Variants in MACROD2 observed in about 807,000 individuals in gnomAD.
The protein encoded by MACROD2 is mono-ADP ribosylhydrolase 2, also known as ADP-ribose glycohydrolase MACROD2.
MACROD2 carries 36 observed loss-of-function variants against 70.4 expected under a neutral mutation model. The ratio of observed to expected loss-of-function variants is 0.51; its 90% CI spans 0.39 to 0.68. The LOEUF (loss-of-function observed/expected upper bound fraction) is 0.68, where lower values mean the gene tolerates loss of function less well. Among genes scored for constraint, MACROD2 ranks in the 30% least tolerant of loss-of-function variants. The pLI, the probability that MACROD2 is intolerant of heterozygous loss-of-function variation, is 0.00. For missense variants in MACROD2, 496 were observed against 538.4 expected (o/e 0.92, Z 0.78); for synonymous variants, 172 against 178.8 (o/e 0.96, Z 0.30).
chr20:14,697,710 T>C (rs994868531), intron 5 of MACROD2, among the ~76,000 whole-genome samples: 1 of 152,316 alleles, frequency 6.6e-6, no homozygotes, highest in Non-Finnish European at 1.5e-5. Flanking sequence ...ATGTGAGATG[T>C]TTCTATTTAT....
At chr20:15,079,070 A>G (rs767807645) in intron 5 of MACROD2, among the ~76,000 whole-genome samples, 16 of 152,208 alleles carry the variant, frequency 1.1e-4, no homozygotes, top group Non-Finnish European at 2.1e-4. Flanking sequence ...AGATGAAAGA[A>G]AGATGACCTC....
intron 8 of MACROD2, among the ~76,000 whole-genome samples, chr20:15,850,317 T>A (rs1270358551): frequency 6.6e-6 from 1 of 152,124 alleles, no homozygotes; most frequent in Non-Finnish European, 1.5e-5. Flanking sequence ...CGTCAGTCTT[T>A]GGTTGAGGCT....
Position 15,038,233 on chromosome 20 carries a change from G to A in MACROD2, c.419-191707G>A, listed in dbSNP as rs191359338. The stretch of plus-strand genomic sequence containing the variant: ...GTATGATCGAAAATAGAAATTATAA[G>A]ATTTCAAACTGCATTTATATCTCTG... On this transcript the variant is annotated intron_variant, in intron 5 of 17. Coordinates refer to ENST00000684519, the MANE Select transcript of MACROD2 (RefSeq NM_001351661.2). 2.0e-5 allele frequency among the ~76,000 whole-genome samples: 3 copies of A among 152,252 alleles called. No homozygotes were observed. The East Asian group carries it at 5.8e-4, about 29-fold the overall frequency.
intron 4 of MACROD2, among the ~76,000 whole-genome samples, chr20:14,503,573 G>T (rs2084937527): frequency 6.6e-6 from 1 of 152,174 alleles, no homozygotes; most frequent in African/African-American, 2.4e-5. Context: ...ACAATATTGG[G>T]ACGTTCTCCA....
At chr20:14,818,454 A>G (rs2072798786) in intron 5 of MACROD2, among the ~76,000 whole-genome samples, 1 of 152,068 alleles carries the variant, frequency 6.6e-6, no homozygotes, top group Non-Finnish European at 1.5e-5. Context: ...CATATAGAAA[A>G]GGGAGGAGTC....
chr20:15,266,891 G>A (rs2077299862), intron 6 of MACROD2, among the ~76,000 whole-genome samples: 1 of 152,186 alleles, frequency 6.6e-6, no homozygotes, highest in Non-Finnish European at 1.5e-5. Flanking sequence ...TCATCCAGAC[G>A]CCCTTCGCAC....
intron 8 of MACROD2, among the ~76,000 whole-genome samples, chr20:15,851,452 G>T (rs904222102): frequency 6.6e-6 from 1 of 151,940 alleles, no homozygotes; most frequent in Non-Finnish European, 1.5e-5. Context: ...CTGGCAGATG[G>T]CCATCTTCCC....
chr20:14,767,634 C>G (rs2072108204), intron 5 of MACROD2, among the ~76,000 whole-genome samples: 1 of 151,700 alleles, frequency 6.6e-6, no homozygotes, highest in Admixed American at 6.6e-5. Context: ...AATTTACTTT[C>G]TTTCTTTTTT....
chr20:14,605,941 G>A (rs1424472894), intron 4 of MACROD2, among the ~76,000 whole-genome samples: 1 of 152,024 alleles, frequency 6.6e-6, no homozygotes, highest in Non-Finnish European at 1.5e-5. Flanking sequence ...AAAATTTTTT[G>A]TGTCTAGTAA....
At chr20:15,224,581 T>C (rs2145971989) in intron 5 of MACROD2, among the ~76,000 whole-genome samples, 1 of 152,344 alleles carries the variant, frequency 6.6e-6, no homozygotes, top group South Asian at 2.1e-4. Context: ...CTAAAAATTC[T>C]TGACAATTAT....
chr20:14,936,739 G>C (rs1369210476), intron 5 of MACROD2, among the ~76,000 whole-genome samples: 1 of 152,110 alleles, frequency 6.6e-6, no homozygotes, highest in East Asian at 1.9e-4. Flanking sequence ...ACCTGTGCCT[G>C]GCACTTGTCT....
intron 15 of MACROD2, among the ~76,000 whole-genome samples, chr20:16,020,770 G>C (rs2066990746): frequency 6.6e-6 from 1 of 151,888 alleles, no homozygotes; most frequent in African/African-American, 2.4e-5. Flanking sequence ...AGTGGGATGG[G>C]GGGAAGGAAA....
chr20:15,658,303 T>C (rs1214199049), intron 8 of MACROD2, among the ~76,000 whole-genome samples: 1 of 151,888 alleles, frequency 6.6e-6, no homozygotes, highest in Admixed American at 6.6e-5. Context: ...ACCTGTTGGA[T>C]ATTTTCATGT....
intron 5 of MACROD2, among the ~76,000 whole-genome samples, chr20:15,086,570 T>G (rs1387720568): frequency 1.3e-5 from 2 of 152,206 alleles, no homozygotes; most frequent in Admixed American, 6.5e-5. Flanking sequence ...GGATACCAGC[T>G]AATCCAGTGA....
chr20:14,275,286 T>C (rs1251888531), intron 3 of MACROD2, among the ~76,000 whole-genome samples: 2 of 152,118 alleles, frequency 1.3e-5, no homozygotes, highest in South Asian at 2.1e-4. Context: ...AACAGAGATA[T>C]AGACCAATGG....
chr20:14,821,827 C>T (rs543843561), intron 5 of MACROD2, among the ~76,000 whole-genome samples: 5 of 152,076 alleles, frequency 3.3e-5, no homozygotes, highest in African/African-American at 7.2e-5. Context: ...CACTTCCAAG[C>T]TGGCCCTGGT....
At position 15,821,621 on chromosome 20, in the gene MACROD2, A is replaced by G. The variant is rs138301784; in HGVS notation, c.646-41124A>G. On this transcript the variant is annotated intron_variant, in intron 8 of 17. Coordinates refer to ENST00000684519, the MANE Select transcript of MACROD2 (RefSeq NM_001351661.2). The stretch of plus-strand genomic sequence containing the variant: ...AGATTCAACTAACCTTGGATTGAAA[A>G]TGTTCAAAAAATGGATAGTGTGTCC... Among the ~76,000 whole-genome samples the G allele has an allele frequency of 2.6e-4, 40 of 152,274 alleles. 1 individual carries two copies. Among genetic ancestry groups the G allele is most frequent in the African/African-American group, 9.1e-4 (38 of 41,558 alleles).
At chr20:14,255,333 A>T (rs1396214365) in intron 3 of MACROD2, among the ~76,000 whole-genome samples, 4 of 152,084 alleles carry the variant, frequency 2.6e-5, no homozygotes, top group African/African-American at 9.7e-5. Flanking sequence ...GCACATATAT[A>T]CCATGGAATA....
At chr20:14,595,079 G>C (rs1317875763) in intron 4 of MACROD2, among the ~76,000 whole-genome samples, 1 of 151,972 alleles carries the variant, frequency 6.6e-6, no homozygotes, top group Non-Finnish European at 1.5e-5. Context: ...TTTATATTCA[G>C]CTTTGTTCAC....
Sources: allele counts gnomAD v4.1 joint callset (sites outside exome capture counted in the v4.1 genomes callset), GRCh38; gene constraint gnomAD v4.1.1; transcripts MANE v1.5; gene names NCBI Gene and HGNC (gene_info 2026-07-23, HGNC 2026-07-21).